MTHFD1L: variants seen among roughly 807,000 people sequenced by gnomAD.
MTHFD1L encodes the protein methylenetetrahydrofolate dehydrogenase (NADP+ dependent) 1 like.
MTHFD1L carries 81 observed loss-of-function variants against 119.5 expected under a neutral mutation model. The observed-to-expected ratio is 0.68, with a 90% CI of 0.57 to 0.82. MTHFD1L has a LOEUF of 0.82. MTHFD1L is among the 40% of genes least tolerant of loss of function. MTHFD1L has a pLI of 0.00. For synonymous variants in MTHFD1L, 430 were observed against 475.2 expected (o/e 0.90, Z 1.24); for missense variants, 1,125 against 1,253.4 (o/e 0.90, Z 1.55).
chr6:151,090,139 C>T (rs967095659), intron 26 of MTHFD1L, among the ~76,000 whole-genome samples: 33 of 152,248 alleles, frequency 2.2e-4, no homozygotes, highest in African/African-American at 7.2e-4. Context: ...CCTCCCCACT[C>T]CCACTCTCAG....
intron 1 of MTHFD1L, among the ~76,000 whole-genome samples, chr6:150,874,550 G>T (rs970526972): frequency 3.3e-5 from 5 of 152,230 alleles, no homozygotes; most frequent in Admixed American, 6.5e-5. Flanking sequence ...TAGGTGCAGT[G>T]CAAGACCCTG....
At chr6:151,021,131 G>A (rs921850874) in intron 24 of MTHFD1L, among the ~76,000 whole-genome samples, 1 of 152,178 alleles carries the variant, frequency 6.6e-6, no homozygotes, top group African/African-American at 2.4e-5. Flanking sequence ...TGGGGAAGCT[G>A]ACTAATCTCT....
chr6:150,953,278 C>A (rs954696467), intron 16 of MTHFD1L, among the ~76,000 whole-genome samples: 1 of 152,178 alleles, frequency 6.6e-6, no homozygotes, highest in Non-Finnish European at 1.5e-5. Flanking sequence ...GTGGATGTTC[C>A]TTAGGACATA....
intron 4 of MTHFD1L, 50 bp downstream of exon 4, chr6:150,877,876 T>C: frequency 6.2e-7 from 1 of 1,604,404 alleles, no homozygotes; most frequent in Non-Finnish European, 8.5e-7. Flanking sequence ...CTCTTGAGAC[T>C]TAATAGGCCC....
Position 150,926,340 on chromosome 6 carries a change from C to T in MTHFD1L, c.1256+45C>T. 1 of 1,538,442 alleles carries T rather than the reference C, an allele frequency of 6.5e-7. No homozygotes were observed. The highest frequency in any genetic ancestry group is 1.2e-5 in the South Asian group (1 of 86,110). On this transcript the variant is annotated intron_variant, in intron 11 of 27. Transcript: ENST00000367321. This position sits in a 1 kb window ranked among gnomAD's most constrained non-coding sequence, Gnocchi z 4.3. The stretch of plus-strand genomic sequence containing the variant: ...CTACTTGATCAAGCAGACATATTTA[C>T]AAAACTCTTCCCTATTTATCTCTCT...
chr6:150,918,524 G>T, intron 8 of MTHFD1L, 53 bp from the exon 9 acceptor site: 1 of 1,246,938 alleles, frequency 8.0e-7, no homozygotes, highest in Non-Finnish European at 1.2e-6. Context: ...GGAGCAATTG[G>T]TTAGAAATGA....
intron 2 of MTHFD1L, among the ~76,000 whole-genome samples, chr6:150,876,857 C>T (rs977313128): frequency 2.0e-5 from 3 of 152,204 alleles, no homozygotes; most frequent in Admixed American, 6.5e-5. Context: ...CACCGTGCTG[C>T]GTATTTCAGG....
intron 26 of MTHFD1L, among the ~76,000 whole-genome samples, chr6:151,061,872 C>G (rs1425926318): frequency 6.6e-6 from 1 of 152,212 alleles, no homozygotes; most frequent in Non-Finnish European, 1.5e-5. Flanking sequence ...TATTTCAAGT[C>G]TGTTACTCCT....
At chr6:151,096,494 T>C (rs1794908537) in intron 27 of MTHFD1L, among the ~76,000 whole-genome samples, 1 of 152,220 alleles carries the variant, frequency 6.6e-6, no homozygotes, top group Non-Finnish European at 1.5e-5. Context: ...CAGCAAGTAT[T>C]GTCTGTTTCC....
intron 8 of MTHFD1L, among the ~76,000 whole-genome samples, chr6:150,908,009 T>C: frequency 6.6e-6 from 1 of 151,438 alleles, no homozygotes; most frequent in African/African-American, 2.4e-5. Context: ...GTGATTCTCC[T>C]ACCTCAGCCT....
At chr6:150,921,637 T>A (rs138409730) in intron 9 of MTHFD1L, among the ~76,000 whole-genome samples, 1 of 151,988 alleles carries the variant, frequency 6.6e-6, no homozygotes, top group Admixed American at 6.6e-5. Context: ...AGCCTCAAAC[T>A]TCTGGGCTCA....
chr6:151,034,518 C>T lies in MTHFD1L; in HGVS notation c.2612C>T (p.Thr871Ile). ...GTTCCAATTGTGGACAAGATAAGGA[C>T]CATTGCTCAGGCTGTCTATGGAGCC... ...VQVPIVDKIR[T>I]IAQAVYGAKD... is the part of the protein sequence containing the mutation. The change falls in exon 25 of 28, where the codon ACC becomes ATC. Residue 871 changes from threonine (T) to isoleucine (I), a missense_variant. Physicochemically the swap from Thr to Ile is moderately conservative, Grantham distance 89. This residue lies in a region of MTHFD1L where 1,058 missense variants were observed against 1,151.2 expected (regional missense o/e 0.92). Coordinates refer to ENST00000367321, the MANE Select transcript of MTHFD1L (RefSeq NM_015440.5). 6.2e-7 allele frequency: 1 copy of T among 1,611,390 alleles called. No homozygotes were observed. Among genetic ancestry groups the T allele is most frequent in the Non-Finnish European group, 8.5e-7 (1 of 1,179,334 alleles).
chr6:150,889,658 C>T (rs889074541), intron 7 of MTHFD1L, among the ~76,000 whole-genome samples: 1 of 152,170 alleles, frequency 6.6e-6, no homozygotes, highest in African/African-American at 2.4e-5. Context: ...TTAAAAGACA[C>T]GTGAAAAGCT....
At chr6:150,932,803 GAAGA>G (rs1206457910) in intron 11 of MTHFD1L, among the ~76,000 whole-genome samples, 155 of 130,834 alleles carry the variant, frequency 1.2e-3, no homozygotes, top group Non-Finnish European at 2.1e-3. Flanking sequence ...AGAAAGGGAG[GAAGA>G]GAGGGAGGGA....
At chr6:150,972,733 A>G (rs1798148882) in intron 20 of MTHFD1L, among the ~76,000 whole-genome samples, 1 of 152,254 alleles carries the variant, frequency 6.6e-6, no homozygotes, top group Admixed American at 6.5e-5. Flanking sequence ...CTTACTATGT[A>G]GTACTGATAA....
At chr6:150,912,855 C>A in intron 8 of MTHFD1L, 1 of 250,780 alleles carries the variant, frequency 4.0e-6, no homozygotes. Context: ...GACAACCTCC[C>A]AATGGAGTCC....
chr6:151,049,569 G>C (rs1788681842), intron 26 of MTHFD1L, among the ~76,000 whole-genome samples: 1 of 151,388 alleles, frequency 6.6e-6, no homozygotes, highest in South Asian at 2.1e-4. Context: ...GGCTGAGGCA[G>C]GAGAATCGCT....
chr6:150,899,027 C>G (rs1375668321), intron 7 of MTHFD1L: 1 of 998,584 alleles, frequency 1.0e-6, no homozygotes, highest in Non-Finnish European at 1.2e-6. Flanking sequence ...CTTTTATCAT[C>G]TGTCATGACT....
intron 26 of MTHFD1L, among the ~76,000 whole-genome samples, chr6:151,077,789 C>T (rs1409552400): frequency 4.6e-5 from 7 of 150,694 alleles, no homozygotes; most frequent in East Asian, 2.0e-4. Flanking sequence ...AATGGCCAGG[C>T]GCGGTGGCTC....
Sources: gnomAD v4.1 joint callset for allele counts (sites outside exome capture counted in the v4.1 genomes callset) on GRCh38, gnomAD v4.1.1 for gene constraint, gnomAD v4.1.1 regional missense constraint, Gnocchi (gnomAD v3.1) non-coding constraint, MANE v1.5 for transcripts, NCBI Gene and HGNC (gene_info 2026-07-23, HGNC 2026-07-21) for gene names.